ANO2: variants seen among roughly 807,000 people sequenced by gnomAD.
The protein encoded by ANO2 is anoctamin 2.
A neutral mutation model predicts 124.2 loss-of-function variants in ANO2; 101 were observed. That is an observed-to-expected ratio of 0.81 (90% confidence interval 0.69 to 0.96). ANO2 has a LOEUF of 0.96. Among genes scored for constraint, ANO2 ranks in the 40% least tolerant of loss-of-function variants. The pLI, the probability that ANO2 is intolerant of heterozygous loss-of-function variation, is 0.00. For synonymous variants in ANO2, 486 were observed against 482.5 expected, an observed-to-expected ratio of 1.01 and a Z score of -0.09; for missense variants, 1,293 against 1,274.5, an observed-to-expected ratio of 1.01 and a Z score of -0.22.
intron 14 of ANO2, among the ~76,000 whole-genome samples, chr12:5,648,886 A>G (rs1159085497): frequency 6.6e-6 from 1 of 152,044 alleles, no homozygotes. Context: ...TCCCCTCCTC[A>G]CCACTGATAC....
intron 3 of ANO2, among the ~76,000 whole-genome samples, chr12:5,907,179 C>A (rs1255110590): frequency 1.3e-5 from 2 of 152,144 alleles, no homozygotes; most frequent in African/African-American, 4.8e-5. Context: ...TGAATGATGT[C>A]GTTTTGTTTC....
intron 17 of ANO2, among the ~76,000 whole-genome samples, chr12:5,613,981 G>C (rs77538457): frequency 0.016 from 2,428 of 152,270 alleles, 44 homozygotes; most frequent in African/African-American, 0.043. Context: ...TCCTGAGAAG[G>C]GGGCTGTGGT....
chr12:5,751,281 G>T (rs916801347), intron 10 of ANO2, among the ~76,000 whole-genome samples: 2 of 152,166 alleles, frequency 1.3e-5, no homozygotes, highest in African/African-American at 4.8e-5. Context: ...ACACATTTTG[G>T]CACCTTTACC....
chr12:5,916,491 T>TA (rs769233593), intron 3 of ANO2, among the ~76,000 whole-genome samples: 26 of 98,124 alleles, frequency 2.6e-4, no homozygotes, highest in Non-Finnish European at 4.0e-4. Context: ...TCGCAGCAGG[T>TA]TAAAAAAAAA....
intron 1 of ANO2, among the ~76,000 whole-genome samples, chr12:5,923,098 A>ACACG (rs1565783563): frequency 2.4e-4 from 16 of 66,774 alleles, no homozygotes; most frequent in Non-Finnish European, 4.2e-4. Flanking sequence ...ACACACGCAC[A>ACACG]CACATACACA....
At chr12:5,610,704 G>A (rs1169772007) in intron 19 of ANO2, among the ~76,000 whole-genome samples, 1 of 96,196 alleles carries the variant, frequency 1.0e-5, no homozygotes, top group Non-Finnish European at 2.1e-5. Flanking sequence ...GCAAATACAT[G>A]TATGTGTACA....
At chr12:5,654,906 C>T (rs906606125) in intron 14 of ANO2, among the ~76,000 whole-genome samples, 5 of 152,184 alleles carry the variant, frequency 3.3e-5, no homozygotes, top group African/African-American at 7.2e-5. Flanking sequence ...TCCCACTTCT[C>T]AATAAGATAA....
In ANO2 at chr12:5,578,121, C is replaced by A. The variant is rs769991605; in HGVS notation, c.2387-114G>T. On this transcript the variant is annotated intron_variant, in intron 21 of 24. Transcript: ENST00000682330. ...GAACTACGGAGCAGCTTTGCTGGGCCCCCCCAGAATGGGCTTGTCTGGAAA... is the reference window on the plus strand; with the variant it reads ...GAACTACGGAGCAGCTTTGCTGGGCACCCCCAGAATGGGCTTGTCTGGAAA... 4.5e-5 allele frequency: 61 copies of A among 1,364,998 alleles called. No homozygotes were observed. The East Asian group carries it at 5.5e-4, about 12-fold the overall frequency. The allele number at this position is 1,364,998 out of a possible 1,614,324, so 84.6% of individuals were successfully genotyped here.
intron 3 of ANO2, chr12:5,856,314 T>G (rs10849351): frequency 0.74 from 112,240 of 152,074 alleles, 42,121 homozygotes; most frequent in East Asian, 0.99. Flanking sequence ...TTTAGGGTCG[T>G]TGGCTCAAGT....
At chr12:5,793,945 G>A (rs547475158) in intron 10 of ANO2, among the ~76,000 whole-genome samples, 6 of 152,316 alleles carry the variant, frequency 3.9e-5, no homozygotes, top group Non-Finnish European at 8.8e-5. Context: ...AGAGAAAGGA[G>A]ACTGGGGCAG....
chr12:5,792,471 C>A (rs80103938), intron 10 of ANO2, among the ~76,000 whole-genome samples: 1 of 152,296 alleles, frequency 6.6e-6, no homozygotes, highest in African/African-American at 2.4e-5. Context: ...CCTAAGTCAG[C>A]CACATGTGAG....
At chr12:5,633,373 T>C (rs925361268) in intron 16 of ANO2, among the ~76,000 whole-genome samples, 9 of 152,162 alleles carry the variant, frequency 5.9e-5, no homozygotes, top group Non-Finnish European at 5.9e-5. Context: ...CTACCTCCCA[T>C]GTAGCCGCTC....
At chr12:5,807,454 C>T (rs1026960512) in intron 7 of ANO2, 86 bp from the exon 8 acceptor site, 20 of 1,156,544 alleles carry the variant, frequency 1.7e-5, no homozygotes, top group Non-Finnish European at 2.0e-5. Flanking sequence ...TAAGCTTTCA[C>T]ATGCCCCCCC....
chr12:5,912,583 C>T (rs1401009384), intron 3 of ANO2, among the ~76,000 whole-genome samples: 1 of 152,180 alleles, frequency 6.6e-6, no homozygotes, highest in Non-Finnish European at 1.5e-5. Flanking sequence ...CCTGTGCATC[C>T]CCACCCCAGG....
chr12:5,863,313 C>T (rs2137268883), intron 3 of ANO2, among the ~76,000 whole-genome samples: 1 of 152,286 alleles, frequency 6.6e-6, no homozygotes, highest in East Asian at 1.9e-4. Context: ...CAGAGTGTGA[C>T]TCAGGCTTCT....
intron 7 of ANO2, among the ~76,000 whole-genome samples, chr12:5,825,386 TAG>T (rs1190418192): frequency 1.3e-5 from 2 of 152,144 alleles, no homozygotes; most frequent in Admixed American, 6.5e-5. Flanking sequence ...GTTTCTCCCA[TAG>T]CCAGGATTCA....
At chr12:5,837,324 CTTT>C (rs869138156) in intron 4 of ANO2, among the ~76,000 whole-genome samples, 2 of 29,492 alleles carry the variant, frequency 6.8e-5, no homozygotes, top group African/African-American at 8.4e-5. Flanking sequence ...TGATTCCTGC[CTTT>C]TTTTTTTTTT....
At chr12:5,679,155 TA>T (rs1948385836) in intron 14 of ANO2, among the ~76,000 whole-genome samples, 1 of 122,438 alleles carries the variant, frequency 8.2e-6, no homozygotes, top group Admixed American at 9.0e-5. Context: ...ATTAAATACT[TA>T]AATGTAAAAT....
At chr12:5,617,849 T>C (rs560383339) in intron 16 of ANO2, among the ~76,000 whole-genome samples, 16 of 152,336 alleles carry the variant, frequency 1.1e-4, no homozygotes, top group African/African-American at 3.8e-4. Flanking sequence ...CGTTATGCTT[T>C]ATATGTCCCT....
Sources: gnomAD v4.1 joint callset for allele counts (sites outside exome capture counted in the v4.1 genomes callset) on GRCh38, gnomAD v4.1.1 for gene constraint, MANE v1.5 for transcripts, NCBI Gene and HGNC (gene_info 2026-07-23, HGNC 2026-07-21) for gene names.